The following CASP10 variants were observed in gnomAD, a reference collection of about 807,000 sequenced individuals.
The protein encoded by CASP10 is caspase-10.
Under a neutral mutation model 48.5 loss-of-function variants are expected in CASP10, and 41 were observed. That is an observed-to-expected ratio of 0.85 (90% CI 0.66 to 1.10). CASP10 has a LOEUF of 1.10. Among genes scored for constraint, CASP10 ranks in the 50% least tolerant of loss-of-function variants. The pLI is 0.00. For missense variants in CASP10, 614 were observed against 614.5 expected, an observed-to-expected ratio of 1.00 and a Z score of 0.01; for synonymous variants, 232 against 238.4, an observed-to-expected ratio of 0.97 and a Z score of 0.25.
downstream of CASP10, among the ~76,000 whole-genome samples, chr2:201,224,761 G>T (rs1367090151): frequency 6.6e-6 from 1 of 151,970 alleles, no homozygotes; most frequent in Non-Finnish European, 1.5e-5. Context: ...GCTGAGTACT[G>T]GTAAATAGTA....
rs931340944 is a variant in CASP10, at chr2:201,208,966, C to T, written c.923-104C>T. 9.9e-6 allele frequency: 13 copies of T among 1,309,988 alleles called. No homozygotes were observed. The South Asian group carries it at 1.5e-4, about 15-fold the overall frequency. 81.1% of individuals were successfully genotyped at this position (1,309,988 alleles called of 1,614,324 possible). A position where few individuals can be genotyped will look rare whatever the true frequency, so the allele number is the denominator to read the frequency against. ...GTGCTGAGATTATAGGTGTGAGCCA[C>T]TGTGCCCGGCCTTGTTTCAGTTCTT... On this transcript the variant is annotated intron_variant, in intron 8 of 9. Coordinates refer to ENST00000286186, the MANE Select transcript of CASP10 (RefSeq NM_032977.4).
rs1157122824 is a variant in CASP10, at chr2:201,208,129, A to T, written c.868A>T (p.Asn290Tyr). Residue 290 changes from asparagine to tyrosine, a missense_variant, in exon 8 of 10, where the codon AAC becomes TAC. Transcript: ENST00000286186. ...RNHRGLCVIVNNHSFTSLKDR... is the reference protein window; with the variant it reads ...RNHRGLCVIVYNHSFTSLKDR... ...CCACAGAGGCCTCTGTGTCATTGTC[A>T]ACAACCACAGCTTTACCTCCCTGAA... 4 of 1,614,106 alleles carry T rather than the reference A, an allele frequency of 2.5e-6. No individual in the cohort carries two copies. The highest frequency in any genetic ancestry group is 3.4e-6 in the Non-Finnish European group (4 of 1,179,976).
chr2:201,200,288 C>T (rs556868783), intron 5 of CASP10, among the ~76,000 whole-genome samples: 51 of 152,272 alleles, frequency 3.3e-4, no homozygotes, highest in African/African-American at 1.2e-3. Context: ...TGAAAAGTTT[C>T]CCCCTAGATT....
Position 201,186,029 on chromosome 2 carries a change from T to C in CASP10, c.252T>C (p.Tyr84=). The change falls in exon 2 of 10, where the codon TAT becomes TAC. Residue 84 remains tyrosine (Y), a synonymous_variant. Coordinates refer to ENST00000286186, the MANE Select transcript of CASP10 (RefSeq NM_032977.4). ...EDPFFLAELL[Y]IIRQKKLLQH... is the part of the protein sequence containing the mutation. ...CTTTCTTCCTGGCAGAACTCCTCTATATCATACGGCAGAAGAAGCTGCTGC... is the reference window on the plus strand; with the variant it reads ...CTTTCTTCCTGGCAGAACTCCTCTACATCATACGGCAGAAGAAGCTGCTGC... The C allele has an allele frequency of 6.2e-7, 1 of 1,613,402 alleles. No individual in the cohort carries two copies. Among genetic ancestry groups the C allele is most frequent in the African/African-American group, 1.3e-5 (1 of 75,022 alleles).
intron 3 of CASP10, 51 bp downstream of exon 3, chr2:201,187,850 AT>A: frequency 1.5e-6 from 2 of 1,290,940 alleles, no homozygotes; most frequent in Non-Finnish European, 1.1e-6. Context: ...TTAATCAATG[AT>A]TAGAAAGATG....
rs1945697526 is a variant in CASP10 at position 201,220,594 on chromosome 2, A to G, written c.*2853A>G. 4.4e-6 allele frequency: 1 copy of G among 227,612 alleles called. No homozygotes were observed. The highest frequency in any genetic ancestry group is 7.3e-6 in the Non-Finnish European group (1 of 137,276). The allele number at this position is 227,612 out of a possible 1,614,324, so 14.1% of individuals were successfully genotyped here. On this transcript the variant is annotated 3_prime_UTR_variant, in exon 10 of 10. Coordinates refer to ENST00000286186, the MANE Select transcript of CASP10 (RefSeq NM_032977.4). Reference sequence around the variant, plus strand: ...CCTCTGATAAACTCTCCCACCCTAAATCCTTAAAAACTCTTAGTCTGTAAG... The same window carrying G: ...CCTCTGATAAACTCTCCCACCCTAAGTCCTTAAAAACTCTTAGTCTGTAAG...
Position 201,219,676 on chromosome 2 carries a change from A to G in CASP10, c.*1935A>G. ...AGGACGCCTTGATGCTTTCTTCATTAAGATTTTGAGCATTTTTACGTACTT... is the reference window on the plus strand; with the variant it reads ...AGGACGCCTTGATGCTTTCTTCATTGAGATTTTGAGCATTTTTACGTACTT... On this transcript the variant is annotated 3_prime_UTR_variant, in exon 10 of 10. Coordinates refer to ENST00000286186, the MANE Select transcript of CASP10 (RefSeq NM_032977.4). 1.0e-6 allele frequency: 1 copy of G among 983,854 alleles called. No homozygotes were observed. Among genetic ancestry groups the G allele is most frequent in the African/African-American group, 1.8e-5 (1 of 56,748 alleles). 60.9% of individuals were successfully genotyped at this position (983,854 alleles called of 1,614,324 possible).
At chr2:201,197,653 A>G (rs1944850698) in intron 5 of CASP10, among the ~76,000 whole-genome samples, 1 of 152,204 alleles carries the variant, frequency 6.6e-6, no homozygotes, top group African/African-American at 2.4e-5. Context: ...TTAAGTTTCT[A>G]TAGCATACAG....
rs563126917 is a variant in CASP10 at position 201,227,867 on chromosome 2, G to A, written c.1416-1066G>A. Reference sequence around the variant, plus strand: ...AGCCACCGCGCCCGGCCCCCAAACCGGTTTCTAACAAATAAGTGTTAAGTC... The same window carrying A: ...AGCCACCGCGCCCGGCCCCCAAACCAGTTTCTAACAAATAAGTGTTAAGTC... On this transcript the variant is annotated intron_variant, in intron 9 of 9. Transcript: ENST00000272879. Among the ~76,000 whole-genome samples, 6 of 149,838 alleles carry A rather than the reference G, an allele frequency of 4.0e-5. No individual in the cohort carries two copies. In the South Asian group the frequency reaches 9.1e-4, roughly 23 times the overall value.
chr2:201,189,123 C>T (rs1309032870), intron 3 of CASP10, among the ~76,000 whole-genome samples: 1 of 151,970 alleles, frequency 6.6e-6, no homozygotes, highest in Non-Finnish European at 1.5e-5. Context: ...CCACCCGTCT[C>T]GGCCTCCCAA....
At chr2:201,210,347 A>G (rs1467528074) in intron 9 of CASP10, among the ~76,000 whole-genome samples, 3 of 152,192 alleles carry the variant, frequency 2.0e-5, no homozygotes, top group Admixed American at 2.0e-4. Flanking sequence ...ACCCTGTTTC[A>G]TTCAACTTTA....
rs1239044964 is a variant in CASP10 at position 201,209,464 on chromosome 2, T to C, written c.1317T>C (p.Gly439=). The stretch of plus-strand genomic sequence containing the variant: ...CTGCCGAGGCTGACTTCCTACTTGG[T>C]CTGGCCACTGTCCCAGGCTATGTAT... ...SIPAEADFLL[G]LATVPGYVSF... The change falls in exon 9 of 10, where the codon GGT becomes GGC. Residue 439 remains glycine, a synonymous_variant. Coordinates refer to ENST00000286186, the MANE Select transcript of CASP10 (RefSeq NM_032977.4). 6 of 1,614,052 alleles carry C rather than the reference T, an allele frequency of 3.7e-6. No homozygotes were observed. Among genetic ancestry groups the C allele is most frequent in the Non-Finnish European group, 5.1e-6 (6 of 1,179,908 alleles).
rs188221468 is a variant in CASP10 at position 201,217,530 on chromosome 2, G to C, written c.1416-58G>C. 407 of 1,160,780 alleles carry C rather than the reference G, an allele frequency of 3.5e-4. 3 individuals are homozygous for C. In the African/African-American group the frequency reaches 5.4e-3, roughly 15 times the overall value. The allele number at this position is 1,160,780 out of a possible 1,614,324, so 71.9% of individuals were successfully genotyped here. A position where few individuals can be genotyped will look rare whatever the true frequency, so the allele number is the denominator to read the frequency against. The stretch of plus-strand genomic sequence containing the variant: ...GCTGAGATCACACCACTGCACTCCA[G>C]CCTGGGCGACAGAGTGAGACTCCGT... On this transcript the variant is annotated intron_variant, in intron 9 of 9. Transcript: ENST00000286186.
chr2:201,196,590 G>A (rs1188854739), intron 5 of CASP10, among the ~76,000 whole-genome samples: 2 of 152,138 alleles, frequency 1.3e-5, no homozygotes, highest in East Asian at 3.8e-4. Flanking sequence ...AGCAGACTTG[G>A]GTAATTTCTT....
chr2:201,184,397 C>T (rs1944337602), intron 1 of CASP10, among the ~76,000 whole-genome samples: 1 of 152,140 alleles, frequency 6.6e-6, no homozygotes, highest in South Asian at 2.1e-4. Flanking sequence ...AATCATGGCT[C>T]ACTGGAACCT....
chr2:201,208,327 G>A lies in CASP10; in HGVS notation c.922+144G>A, dbSNP rs1945276834. On this transcript the variant is annotated intron_variant, in intron 8 of 9. Coordinates refer to ENST00000286186, the MANE Select transcript of CASP10 (RefSeq NM_032977.4). ...TTTCTGAGCCTCTTATATATCCCTG[G>A]GGAGTCATCAGTCTGCTAAAGAGTG... 3 of 1,415,564 alleles carry A rather than the reference G, an allele frequency of 2.1e-6. No homozygotes were observed. In the African/African-American group the frequency reaches 4.4e-5, roughly 21 times the overall value. The allele number at this position is 1,415,564 out of a possible 1,614,324, so 87.7% of individuals were successfully genotyped here. A position where few individuals can be genotyped will look rare whatever the true frequency, so the allele number is the denominator to read the frequency against.
Position 201,209,195 on chromosome 2 carries a change from T to G in CASP10, c.1048T>G (p.Cys350Gly). The G allele has an allele frequency of 6.2e-7, 1 of 1,613,200 alleles. No homozygotes were observed. Among genetic ancestry groups the G allele is most frequent in the Non-Finnish European group, 8.5e-7 (1 of 1,179,212 alleles). Residue 350 changes from cysteine to glycine, a missense_variant, in exon 9 of 10, where the codon TGC becomes GGC. By Grantham distance (159) the Cys-to-Gly change is radical. Coordinates refer to ENST00000286186, the MANE Select transcript of CASP10 (RefSeq NM_032977.4). The stretch of plus-strand genomic sequence containing the variant: ...CAATCCAGCCCATGCCGACGGGGAC[T>G]GCTTCGTGTTCTGTATTCTGACCCA... ...KCNPAHADGDCFVFCILTHGR... is the reference protein window; with the variant it reads ...KCNPAHADGDGFVFCILTHGR...
chr2:201,201,473 A>AACACAC lies in CASP10; in HGVS notation c.685-2240_685-2235dup, dbSNP rs41484150. Among the ~76,000 whole-genome samples the AACACAC allele has an allele frequency of 6.0e-5, 9 of 149,720 alleles. No homozygotes were observed. The South Asian group carries it at 1.5e-3, about 25-fold the overall frequency. On this transcript the variant is annotated intron_variant, in intron 5 of 9. Transcript: ENST00000286186. ...GCTCAGATACTGACATGCATGTAGA[A>AACACAC]ACACACACACACACACACACACGAT...
At chr2:201,190,013 A>C (rs1944552884) in intron 3 of CASP10, among the ~76,000 whole-genome samples, 1 of 151,992 alleles carries the variant, frequency 6.6e-6, no homozygotes. Context: ...AAAATAGTTC[A>C]ATTGTCCCAT....
Sources: gnomAD v4.1 joint callset for allele counts (sites outside exome capture counted in the v4.1 genomes callset) on GRCh38, gnomAD v4.1.1 for gene constraint, MANE v1.5 for transcripts, NCBI Gene and HGNC (gene_info 2026-07-23, HGNC 2026-07-21) for gene names.